TJP2: variants seen among roughly 807,000 people sequenced by gnomAD.
TJP2 encodes the protein tight junction protein 2.
In TJP2, 91 loss-of-function variants were observed where a neutral mutation model predicts 133.1. The observed-to-expected ratio is 0.68, with a 90% CI of 0.58 to 0.81. The LOEUF (loss-of-function observed/expected upper bound fraction) is 0.81, where lower values mean the gene tolerates loss of function less well. TJP2 is among the 40% of genes least tolerant of loss of function. The pLI is 0.00. For synonymous variants in TJP2, 592 were observed against 583.4 expected, an observed-to-expected ratio of 1.01 and a Z score of -0.21; for missense variants, 1,541 against 1,565.6, an observed-to-expected ratio of 0.98 and a Z score of 0.26.
intron 1 of TJP2, among the ~76,000 whole-genome samples, chr9:69,187,304 T>C (rs1206740731): frequency 2.0e-5 from 3 of 152,186 alleles, no homozygotes; most frequent in Non-Finnish European, 4.4e-5. Context: ...AATGTTGACC[T>C]GATTGGATTA....
chr9:69,216,683 G>A (rs1016920773), intron 3 of TJP2, among the ~76,000 whole-genome samples: 3 of 152,224 alleles, frequency 2.0e-5, no homozygotes, highest in African/African-American at 7.2e-5. Flanking sequence ...GAGGAGGGCA[G>A]TTGTTTCCGT....
chr9:69,253,697 G>A (rs146211199), intron 22 of TJP2: 192 of 188,690 alleles, frequency 1.0e-3, no homozygotes, highest in Non-Finnish European at 1.5e-3. Context: ...CGCCCGCCTC[G>A]GCCTCCCAAA....
rs185624554 is a variant in TJP2 at position 69,228,330 on chromosome 9, G to A, written c.1453+216G>A. ...TTGGGTACAAATGGACATAGAGGTG[G>A]CAGTAACAGAAACTGGGGACAACTA... On this transcript the variant is annotated intron_variant, in intron 9 of 22. Coordinates refer to ENST00000377245, the MANE Select transcript of TJP2 (RefSeq NM_004817.4). Among the ~76,000 whole-genome samples, 15 of 152,296 alleles carry A rather than the reference G, an allele frequency of 9.8e-5. No individual in the cohort carries two copies. In the East Asian group the frequency reaches 2.5e-3, roughly 25 times the overall value.
At position 69,237,039 on chromosome 9, in the gene TJP2, G is replaced by A. The variant is rs780053424; in HGVS notation, c.2082G>A (p.Gly694=). ...GGAGAATGCGTGGCCAGAGGTCTGGGGTGAAGAAGAACCTGAGGAAAAGTC... is the reference window on the plus strand; with the variant it reads ...GGAGAATGCGTGGCCAGAGGTCTGGAGTGAAGAAGAACCTGAGGAAAAGTC... The part of the protein sequence containing the change: ...DFWRMRGQRS[G]VKKNLRKSRE... Residue 694 remains glycine, a synonymous_variant, in exon 14 of 23, where the codon GGG becomes GGA. Transcript: ENST00000377245. The A allele has an allele frequency of 3.1e-6, 5 of 1,614,062 alleles. No homozygotes were observed. In the Admixed American group the frequency reaches 6.7e-5, roughly 22 times the overall value.
intron 21 of TJP2, among the ~76,000 whole-genome samples, chr9:69,252,447 G>T (rs1440851640): frequency 6.6e-6 from 1 of 152,112 alleles, no homozygotes; most frequent in African/African-American, 2.4e-5. Flanking sequence ...TCTCCCCGCA[G>T]TCCCTGGCAC....
At chr9:69,202,277 T>C (rs1318437376) in intron 1 of TJP2, among the ~76,000 whole-genome samples, 1 of 152,146 alleles carries the variant, frequency 6.6e-6, no homozygotes, top group African/African-American at 2.4e-5. Context: ...AGCCCTTTTG[T>C]AAGAGCACAA....
At chr9:69,162,666 A>T (rs1168779243) in intron 2 of TJP2, among the ~76,000 whole-genome samples, 1 of 152,242 alleles carries the variant, frequency 6.6e-6, no homozygotes, top group Admixed American at 6.5e-5. Flanking sequence ...CTCTATTCTT[A>T]TGTAGAAATA....
chr9:69,198,537 A>T (rs1826762240), intron 1 of TJP2, among the ~76,000 whole-genome samples: 1 of 151,266 alleles, frequency 6.6e-6, no homozygotes, highest in Non-Finnish European at 1.5e-5. Context: ...CAACTCAGTA[A>T]ACCTGGCACT....
rs1830166716 is a variant in TJP2, at chr9:69,236,086, T to C, written c.1839T>C (p.Phe613=). The C allele has an allele frequency of 1.2e-6, 2 of 1,614,038 alleles. No individual in the cohort carries two copies. The highest frequency in any genetic ancestry group is 2.7e-5 in the African/African-American group (2 of 74,904). ...RGDSFFIRSH[F]ECEKETPQSL... ...ATTCGTTTTTTATAAGAAGCCACTT[T>C]GAATGTGAGAAGGAAACTCCACAGA... Residue 613 remains phenylalanine (F), a synonymous_variant, in exon 13 of 23, where the codon TTT becomes TTC. Transcript: ENST00000377245.
intron 1 of TJP2, among the ~76,000 whole-genome samples, chr9:69,194,336 A>G (rs767746717): frequency 2.5e-4 from 38 of 152,200 alleles, no homozygotes; most frequent in Non-Finnish European, 5.0e-4. Flanking sequence ...GTTATAGGTC[A>G]TTACACATGA....
At chr9:69,133,466 A>G (rs1297204850) in intron 1 of TJP2, among the ~76,000 whole-genome samples, 1 of 151,000 alleles carries the variant, frequency 6.6e-6, no homozygotes, top group Admixed American at 6.6e-5. Flanking sequence ...CCCTGGGCTC[A>G]TGGGTGCACA....
At chr9:69,166,075 C>T (rs146642093) in intron 2 of TJP2, among the ~76,000 whole-genome samples, 2,173 of 152,258 alleles carry the variant, frequency 0.014, 31 homozygotes, top group South Asian at 0.053. Flanking sequence ...CTTCTTAATC[C>T]GTTCAGGCCA....
rs1444679503 is a variant in TJP2 at position 69,234,509 on chromosome 9, G to T, written c.1742G>T (p.Gly581Val). 7.1e-7 allele frequency: 1 copy of T among 1,407,292 alleles called. No individual in the cohort carries two copies. The highest frequency in any genetic ancestry group is 9.5e-7 in the Non-Finnish European group (1 of 1,052,590). 87.2% of individuals were successfully genotyped at this position (1,407,292 alleles called of 1,614,324 possible). A position where few individuals can be genotyped will look rare whatever the true frequency, so the allele number is the denominator to read the frequency against. ...CTCTACCTGTTAGAAATCCCTAAAG[G>T]TGAAATGGTGACCATTTTAGCTCAG... The part of the protein sequence containing the change: ...AVLYLLEIPK[G>V]EMVTILAQSR... Residue 581 changes from glycine (G) to valine (V), a missense_variant, in exon 12 of 23, where the codon GGT becomes GTT. Gly to Val is a moderately radical substitution (Grantham distance 109). Transcript: ENST00000377245.
At chr9:69,145,763 C>T in intron 1 of TJP2, 5 of 1,231,986 alleles carry the variant, frequency 4.1e-6, no homozygotes, top group Non-Finnish European at 5.1e-6. Context: ...CCCCACTTAA[C>T]AAAAGAGAAC....
intron 1 of TJP2, among the ~76,000 whole-genome samples, chr9:69,132,687 G>C (rs1027888241): frequency 5.9e-5 from 9 of 152,148 alleles, no homozygotes; most frequent in African/African-American, 2.2e-4. Flanking sequence ...AGGATACCAC[G>C]GTGAGCAGGG....
intron 2 of TJP2, among the ~76,000 whole-genome samples, chr9:69,154,853 C>T (rs12686304): frequency 0.021 from 3,246 of 151,958 alleles, 44 homozygotes; most frequent in East Asian, 0.058. Flanking sequence ...TTTCTAGATA[C>T]GAAATCTCAT....
In TJP2 at chr9:69,163,152, A is replaced by C. The variant is rs1290826450; in HGVS notation, c.-10+11381A>C. Among the ~76,000 whole-genome samples the C allele has an allele frequency of 2.3e-4, 23 of 101,068 alleles. 5 individuals carry two copies. The highest frequency in any genetic ancestry group is 4.2e-4 in the Non-Finnish European group (21 of 50,190). 66.3% of individuals were successfully genotyped at this position (101,068 alleles called of 152,430 possible). ...GCCATTCTCCTGCCTCAGCCTCCCAAGTAGCTGGGACTACAGGCGCCCGCC... is the reference window on the plus strand; with the variant it reads ...GCCATTCTCCTGCCTCAGCCTCCCACGTAGCTGGGACTACAGGCGCCCGCC... On this transcript the variant is annotated intron_variant, in intron 2 of 5. Transcript: ENST00000423935.
At chr9:69,148,933 T>C (rs1396890290) in intron 1 of TJP2, among the ~76,000 whole-genome samples, 1 of 152,186 alleles carries the variant, frequency 6.6e-6, no homozygotes, top group East Asian at 1.9e-4. Flanking sequence ...ATAAAAATAA[T>C]TGATACCCAA....
intron 1 of TJP2, among the ~76,000 whole-genome samples, chr9:69,137,631 T>C (rs1234150229): frequency 6.6e-6 from 1 of 151,982 alleles, no homozygotes; most frequent in Non-Finnish European, 1.5e-5. Context: ...CCCAAAGTGC[T>C]GGGAATACAA....
Sources: gnomAD v4.1 joint callset for allele counts (sites outside exome capture counted in the v4.1 genomes callset) on GRCh38, gnomAD v4.1.1 for gene constraint, MANE v1.5 for transcripts, NCBI Gene and HGNC (gene_info 2026-07-23, HGNC 2026-07-21) for gene names.